Variants in SIK3 observed in about 807,000 individuals in gnomAD.
SIK3 encodes SIK family kinase 3.
Under a neutral mutation model 144.2 loss-of-function variants are expected in SIK3, and 28 were observed. The ratio of observed to expected loss-of-function variants is 0.19; its 90% CI spans 0.14 to 0.27. SIK3 has a LOEUF of 0.27. Ranked by LOEUF, SIK3 falls within the 10% of genes least tolerant of loss-of-function variation. The pLI is 1.00. For missense variants in SIK3, 1,319 were observed against 1,776.0 expected (o/e 0.74, Z 4.62); for synonymous variants, 686 against 676.3 (o/e 1.01, Z -0.22).
chr11:116,943,294 T>C (rs975551117), intron 3 of SIK3, among the ~76,000 whole-genome samples: 4 of 152,136 alleles, frequency 2.6e-5, no homozygotes, highest in African/African-American at 7.2e-5. Context: ...GGGAATAACA[T>C]TTGAGATGGG....
At chr11:116,941,860 G>A (rs1005293219) in intron 3 of SIK3, among the ~76,000 whole-genome samples, 1 of 152,092 alleles carries the variant, frequency 6.6e-6, no homozygotes, top group Non-Finnish European at 1.5e-5. Flanking sequence ...ATCAGAGTGT[G>A]GAAGTTTTAA....
At chr11:116,907,772 T>C (rs936740937) in intron 4 of SIK3, among the ~76,000 whole-genome samples, 4 of 152,218 alleles carry the variant, frequency 2.6e-5, no homozygotes, top group Non-Finnish European at 5.9e-5. Context: ...TCAGGAATAC[T>C]GCGTCAAGTT....
intron 1 of SIK3, among the ~76,000 whole-genome samples, chr11:117,048,448 G>C (rs1412231394): frequency 6.6e-6 from 1 of 151,904 alleles, no homozygotes; most frequent in Non-Finnish European, 1.5e-5. Flanking sequence ...CCTGCGGTTG[G>C]GAGTTCGAGA....
At chr11:117,000,148 C>G (rs530515705) in intron 1 of SIK3, among the ~76,000 whole-genome samples, 1 of 152,208 alleles carries the variant, frequency 6.6e-6, no homozygotes, top group South Asian at 2.1e-4. Flanking sequence ...GCTCAAGGGC[C>G]TATTGCCCAA....
chr11:117,001,509 A>C (rs1227473432), intron 1 of SIK3, among the ~76,000 whole-genome samples: 1 of 151,486 alleles, frequency 6.6e-6, no homozygotes, highest in African/African-American at 2.4e-5. Context: ...CCATCTCAAA[A>C]AAAAAAAATT....
In SIK3 at chr11:116,844,682, T is replaced by TATATACACA. The variant is rs1941820060; in HGVS notation, c.*960_*961insTGTGTATAT. 1 of 123,528 alleles carries TATATACACA rather than the reference T, an allele frequency of 8.1e-6. No individual in the cohort carries two copies. The highest frequency in any genetic ancestry group is 1.6e-5 in the Non-Finnish European group (1 of 64,022). 7.7% of individuals were successfully genotyped at this position (123,528 alleles called of 1,614,324 possible). A position where few individuals can be genotyped will look rare whatever the true frequency, so the allele number is the denominator to read the frequency against. ...AATATATATATACACATATATTATA[T>TATATACACA]TATATATATACACACATATATAATA... On this transcript the variant is annotated 3_prime_UTR_variant, in exon 25 of 25. Transcript: ENST00000445177.
chr11:117,043,988 T>C (rs1220488324), intron 1 of SIK3, among the ~76,000 whole-genome samples: 1 of 152,198 alleles, frequency 6.6e-6, no homozygotes, highest in Admixed American at 6.5e-5. Flanking sequence ...CCATAGCAAA[T>C]ATTAGTAATG....
At chr11:116,992,053 G>A (rs1591493262) in intron 1 of SIK3, among the ~76,000 whole-genome samples, 1 of 152,250 alleles carries the variant, frequency 6.6e-6, no homozygotes, top group East Asian at 1.9e-4. Context: ...GCCGGGCATG[G>A]TGGCTCATAC....
chr11:116,985,519 T>G (rs1950297978), intron 1 of SIK3, among the ~76,000 whole-genome samples: 1 of 152,210 alleles, frequency 6.6e-6, no homozygotes, highest in Non-Finnish European at 1.5e-5. Context: ...GACATCAAAA[T>G]GCTAGTCAGT....
At chr11:117,002,331 G>GT (rs1482433200) in intron 1 of SIK3, among the ~76,000 whole-genome samples, 2 of 151,722 alleles carry the variant, frequency 1.3e-5, no homozygotes, top group Non-Finnish European at 2.9e-5. Flanking sequence ...TATTGTTAGT[G>GT]TTAGTGTATT....
chr11:116,925,035 C>T (rs921666105), intron 4 of SIK3, among the ~76,000 whole-genome samples: 1 of 152,172 alleles, frequency 6.6e-6, no homozygotes. Context: ...GCTCCCAGCA[C>T]TTTGGGAGGC....
chr11:116,855,003 T>C (rs1942765121), intron 21 of SIK3, among the ~76,000 whole-genome samples: 1 of 144,968 alleles, frequency 6.9e-6, no homozygotes. Flanking sequence ...GGAGAATCGC[T>C]TGAACCCAGG....
chr11:116,881,769 A>T (rs1480905499), intron 6 of SIK3, among the ~76,000 whole-genome samples: 2 of 152,246 alleles, frequency 1.3e-5, no homozygotes, highest in Admixed American at 6.5e-5. Context: ...TTCATTCAAC[A>T]ATATTATTTA....
chr11:117,067,026 G>C (rs1364082637), intron 1 of SIK3, among the ~76,000 whole-genome samples: 2 of 152,126 alleles, frequency 1.3e-5, no homozygotes, highest in Non-Finnish European at 2.9e-5. Context: ...TTTTAGCAAT[G>C]GTAAGGATTT....
At position 116,863,700 on chromosome 11, in the gene SIK3, C is replaced by T. The variant is rs554060704; in HGVS notation, c.2071G>A (p.Gly691Ser). ...QAFKAHLEKM[G>S]NNSSIKQLQQ... Reference sequence around the variant, plus strand: ...AGCTGTTTGATGCTGCTGTTGTTGCCCATTTTTTCCAGGTGAGCTTTGAAG... The same window carrying T: ...AGCTGTTTGATGCTGCTGTTGTTGCTCATTTTTTCCAGGTGAGCTTTGAAG... Residue 691 changes from glycine to serine, a missense_variant, in exon 16 of 25, where the codon GGC becomes AGC. By Grantham distance (56) the Gly-to-Ser change is moderately conservative. This residue lies in a region of SIK3 where 77 missense variants were observed against 141.9 expected (regional missense o/e 0.54). Transcript: ENST00000445177. 6 of 1,614,140 alleles carry T rather than the reference C, an allele frequency of 3.7e-6. No homozygotes were observed. The highest frequency in any genetic ancestry group is 1.3e-5 in the African/African-American group (1 of 75,042).
intron 4 of SIK3, among the ~76,000 whole-genome samples, chr11:116,906,102 G>A (rs977354236): frequency 3.9e-4 from 60 of 152,180 alleles, no homozygotes; most frequent in African/African-American, 1.4e-3. Context: ...TTCTGAGCAG[G>A]CAGGTGAAGT....
rs145746824 is a variant in SIK3, at chr11:117,025,856, A to G, written c.274-68792T>C. ...AGTCAAGTGCACAGTCAGACCTGGA[A>G]CTCAAATCCCCTGACTACCTCTCTA... On this transcript the variant is annotated intron_variant, in intron 1 of 24. Transcript: ENST00000445177. Among the ~76,000 whole-genome samples, 117 of 152,264 alleles carry G rather than the reference A, an allele frequency of 7.7e-4. 1 individual carries two copies. In the East Asian group the frequency reaches 0.021, roughly 27 times the overall value.
chr11:116,954,162 G>A (rs986156688), intron 2 of SIK3, 55 bp from the exon 3 acceptor site: 8 of 1,426,788 alleles, frequency 5.6e-6, no homozygotes, highest in South Asian at 2.3e-5. Flanking sequence ...GGCTGATACA[G>A]GAAGATAAAC....
rs190632094 is a variant in SIK3 at position 116,954,755 on chromosome 11, T to A, written c.391-648A>T. Among the ~76,000 whole-genome samples, 10 of 152,242 alleles carry A rather than the reference T, an allele frequency of 6.6e-5. No individual in the cohort carries two copies. The East Asian group carries it at 1.9e-3, about 29-fold the overall frequency. ...CCTTTCTTCCTTTTTACATTTTCCA[T>A]CAAACATTTTTAAAAGTAATAATGA... On this transcript the variant is annotated intron_variant, in intron 2 of 24. Transcript: ENST00000445177.
Sources: allele counts gnomAD v4.1 joint callset (sites outside exome capture counted in the v4.1 genomes callset), GRCh38; gene constraint gnomAD v4.1.1; regional missense constraint gnomAD v4.1.1; transcripts MANE v1.5; gene names NCBI Gene and HGNC (gene_info 2026-07-23, HGNC 2026-07-21).